The following SLC22A14 variants were observed in gnomAD, a reference collection of about 807,000 sequenced individuals.
SLC22A14 encodes solute carrier family 22 member 14, also known as organic cation transporter-like 4.
In SLC22A14, 50 loss-of-function variants were observed where a neutral mutation model predicts 53.9. That is an observed-to-expected ratio of 0.93 (90% CI 0.74 to 1.17). SLC22A14 has a LOEUF of 1.17. SLC22A14 is among the 50% of genes most tolerant of loss of function. SLC22A14 has a pLI of 0.00. For missense variants in SLC22A14, 671 were observed against 734.7 expected (o/e 0.91, Z 1.00); for synonymous variants, 312 against 303.0 (o/e 1.03, Z -0.31).
At chr3:38,292,010 T>C (rs1703923633) in intron 1 of SLC22A14, among the ~76,000 whole-genome samples, 1 of 152,254 alleles carries the variant, frequency 6.6e-6, no homozygotes, top group Non-Finnish European at 1.5e-5. Context: ...CTTTGGATAA[T>C]TTTAGCCTTA....
rs140354015 is a variant in SLC22A14, at chr3:38,301,660, A to T, written c.1-4367A>T. 1.0e-3 allele frequency among the ~76,000 whole-genome samples: 152 copies of T among 152,138 alleles called. 1 individual carries two copies. Among genetic ancestry groups the T allele is most frequent in the African/African-American group, 3.6e-3 (151 of 41,538 alleles). ...TTATCTCATTGCACTGGCTAGGGCC[A>T]CCAGTATAATGTCAAATAAGTAATT... is the stretch of plus-strand genomic sequence containing the variant. On this transcript the variant is annotated intron_variant, in intron 1 of 10. Coordinates refer to ENST00000448498, the MANE Select transcript of SLC22A14 (RefSeq NM_001320033.2).
chr3:38,285,849 C>T (rs1703779957), intron 1 of SLC22A14, among the ~76,000 whole-genome samples: 1 of 152,160 alleles, frequency 6.6e-6, no homozygotes, highest in African/African-American at 2.4e-5. Flanking sequence ...CTTTATAAGA[C>T]AATGCCAAAT....
intron 1 of SLC22A14, among the ~76,000 whole-genome samples, chr3:38,283,600 C>T (rs1300785052): frequency 2.6e-5 from 4 of 152,108 alleles, no homozygotes; most frequent in South Asian, 2.1e-4. Flanking sequence ...GAGGCCGAGG[C>T]GGGAAGATCA....
chr3:38,292,456 A>AT (rs1703934771), intron 1 of SLC22A14, among the ~76,000 whole-genome samples: 3 of 152,162 alleles, frequency 2.0e-5, no homozygotes, highest in Admixed American at 1.3e-4. Context: ...CAACAGCCTC[A>AT]TTGATAATCC....
At chr3:38,303,304 C>G (rs954245707) in intron 1 of SLC22A14, among the ~76,000 whole-genome samples, 1 of 151,978 alleles carries the variant, frequency 6.6e-6, no homozygotes, top group African/African-American at 2.4e-5. Context: ...TTTCCCACTT[C>G]TTATGATGGT....
rs1003384234 is a variant in SLC22A14, at chr3:38,307,809, G to A, written c.775+89G>A. ...ACAAGGGGACATAGTGGCAGGGGGC[G>A]TGGCGGCATAGGCAGATGGCAAGGG... On this transcript the variant is annotated intron_variant, in intron 4 of 10. Transcript: ENST00000448498. The surrounding 1 kb of genome is among the most constrained non-coding windows in gnomAD (Gnocchi z 4.4). The A allele has an allele frequency of 2.3e-5, 34 of 1,454,452 alleles. No homozygotes were observed. Among genetic ancestry groups the A allele is most frequent in the South Asian group, 1.8e-4 (15 of 81,466 alleles). 90.1% of individuals were successfully genotyped at this position (1,454,452 alleles called of 1,614,324 possible). A position where few individuals can be genotyped will look rare whatever the true frequency, so the allele number is the denominator to read the frequency against.
chr3:38,282,740 C>T (rs955725419), intron 1 of SLC22A14, among the ~76,000 whole-genome samples: 7 of 152,096 alleles, frequency 4.6e-5, no homozygotes, highest in Middle Eastern at 3.2e-3. Context: ...GATGCTGAAG[C>T]GGTCCCTGCA....
intron 10 of SLC22A14, among the ~76,000 whole-genome samples, chr3:38,316,899 C>G (rs1704638429): frequency 4.6e-5 from 7 of 152,252 alleles, no homozygotes; most frequent in Admixed American, 4.6e-4. Context: ...GAGTACATCT[C>G]TTTTCCTGTC....
chr3:38,314,185 T>A (rs1258232086), intron 8 of SLC22A14, among the ~76,000 whole-genome samples: 1 of 152,164 alleles, frequency 6.6e-6, no homozygotes, highest in African/African-American at 2.4e-5. Flanking sequence ...GGGTGTACTT[T>A]CCAGAGGACA....
chr3:38,296,352 G>A lies in SLC22A14; in HGVS notation c.1-9675G>A, dbSNP rs549025972. 8.6e-5 allele frequency among the ~76,000 whole-genome samples: 13 copies of A among 151,468 alleles called. No individual in the cohort carries two copies. The South Asian group carries it at 2.7e-3, about 32-fold the overall frequency. ...ACGTTCCCAACCCAGAAGGGTTGGGGGTTGTTAGAAAGCCCTTCCCCAAAC... is the reference window on the plus strand; with the variant it reads ...ACGTTCCCAACCCAGAAGGGTTGGGAGTTGTTAGAAAGCCCTTCCCCAAAC... On this transcript the variant is annotated intron_variant, in intron 1 of 10. Coordinates refer to ENST00000448498, the MANE Select transcript of SLC22A14 (RefSeq NM_001320033.2).
intron 1 of SLC22A14, among the ~76,000 whole-genome samples, chr3:38,304,800 G>A (rs1704259264): frequency 6.6e-6 from 1 of 152,156 alleles, no homozygotes; most frequent in Non-Finnish European, 1.5e-5. Context: ...TCGTGCCTAA[G>A]TTACATTTCC....
intron 1 of SLC22A14, among the ~76,000 whole-genome samples, chr3:38,286,906 A>ATT (rs1377359963): frequency 7.4e-6 from 1 of 134,240 alleles, no homozygotes; most frequent in South Asian, 2.4e-4. Context: ...TAATTTTTGT[A>ATT]TTTTTTTTTT....
chr3:38,283,462 C>G (rs1703718511), intron 1 of SLC22A14, among the ~76,000 whole-genome samples: 1 of 152,088 alleles, frequency 6.6e-6, no homozygotes, highest in Non-Finnish European at 1.5e-5. Context: ...GAACTCAGGG[C>G]CAGGCAGGAG....
At position 38,307,864 on chromosome 3, in the gene SLC22A14, G is replaced by A. The variant is rs576969346; in HGVS notation, c.775+144G>A. On this transcript the variant is annotated intron_variant, in intron 4 of 10. Transcript: ENST00000448498. The surrounding 1 kb of genome is among the most constrained non-coding windows in gnomAD (Gnocchi z 4.4). ...TGGTGTAGCTGTAAGAGGGCATGGCGGGGGTGTGGCAGCGTGGGCATCTGC... is the reference window on the plus strand; with the variant it reads ...TGGTGTAGCTGTAAGAGGGCATGGCAGGGGTGTGGCAGCGTGGGCATCTGC... The A allele has an allele frequency of 2.0e-4, 176 of 889,296 alleles. No homozygotes were observed. Among genetic ancestry groups the A allele is most frequent in the East Asian group, 4.4e-4 (18 of 40,514 alleles). 55.1% of individuals were successfully genotyped at this position (889,296 alleles called of 1,614,324 possible). A position where few individuals can be genotyped will look rare whatever the true frequency, so the allele number is the denominator to read the frequency against.
rs1222297770 is a variant in SLC22A14, at chr3:38,318,218, A to G, written c.1754A>G (p.Lys585Arg). The G allele has an allele frequency of 1.9e-6, 3 of 1,613,952 alleles. No homozygotes were observed. The highest frequency in any genetic ancestry group is 2.5e-6 in the Non-Finnish European group (3 of 1,179,912). The change falls in exon 11 of 11, where the codon AAG becomes AGG. Residue 585 changes from lysine to arginine, a missense_variant. By Grantham distance (26) the Lys-to-Arg change is conservative. Coordinates refer to ENST00000448498, the MANE Select transcript of SLC22A14 (RefSeq NM_001320033.2). ...SQIRNKVKDM[K>R]TKETSSDDV ...TTCAGGAATAAGGTCAAGGACATGAAGACTAAGGAAACATCATCTGATGAT... is the reference window on the plus strand; with the variant it reads ...TTCAGGAATAAGGTCAAGGACATGAGGACTAAGGAAACATCATCTGATGAT...
chr3:38,298,554 TTGTGTGTGTGTG>T (rs112527761), intron 1 of SLC22A14, among the ~76,000 whole-genome samples: 30 of 149,004 alleles, frequency 2.0e-4, no homozygotes, highest in African/African-American at 7.4e-4. Flanking sequence ...CTTCCCTGTC[TTGTGTGTGTGTG>T]TGTGTGTGTG....
chr3:38,296,952 C>T (rs916754791), intron 1 of SLC22A14, among the ~76,000 whole-genome samples: 1 of 152,060 alleles, frequency 6.6e-6, no homozygotes, highest in Non-Finnish European at 1.5e-5. Context: ...TGGTGGACGG[C>T]GAGTGAAAGC....
At chr3:38,293,828 A>G (rs191660120) in intron 1 of SLC22A14, among the ~76,000 whole-genome samples, 6 of 152,270 alleles carry the variant, frequency 3.9e-5, no homozygotes, top group Admixed American at 1.3e-4. Context: ...TCATCCTATC[A>G]TTGACCTGAC....
intron 8 of SLC22A14, among the ~76,000 whole-genome samples, chr3:38,314,809 A>G (rs1415406720): frequency 6.6e-6 from 1 of 152,202 alleles, no homozygotes; most frequent in African/African-American, 2.4e-5. Flanking sequence ...GGTGGTTTTT[A>G]AAAAAGCAGG....
Sources: allele counts gnomAD v4.1 joint callset (sites outside exome capture counted in the v4.1 genomes callset), GRCh38; gene constraint gnomAD v4.1.1; non-coding constraint Gnocchi (gnomAD v3.1); transcripts MANE v1.5; gene names NCBI Gene and HGNC (gene_info 2026-07-23, HGNC 2026-07-21).